Variants in RAI14 observed in about 807,000 individuals in gnomAD.
RAI14 encodes retinoic acid induced 14.
Under a neutral mutation model 115.4 loss-of-function variants are expected in RAI14, and 45 were observed. That is an observed-to-expected ratio of 0.39 (90% CI 0.31 to 0.50). The LOEUF (loss-of-function observed/expected upper bound fraction) is 0.50. Among genes scored for constraint, RAI14 ranks in the 20% least tolerant of loss-of-function variants. The probability of loss-of-function intolerance (pLI) is 0.85; values close to 1 mark genes in which losing one functional copy is unlikely to be tolerated. For synonymous variants in RAI14, 371 were observed against 415.4 expected (o/e 0.89, Z 1.30); for missense variants, 939 against 1,131.2 (o/e 0.83, Z 2.44).
intron 8 of RAI14, 117 bp from the exon 9 acceptor site, chr5:34,811,650 G>T: frequency 2.4e-6 from 2 of 848,024 alleles, no homozygotes; most frequent in Non-Finnish European, 1.8e-6. Context: ...AAGATTAAGT[G>T]TAATAAAGGT....
Position 34,829,737 on chromosome 5 carries a change from C to G in RAI14, c.2805C>G (p.Cys935Trp). Residue 935 changes from cysteine (C) to tryptophan (W), a missense_variant, in exon 17 of 18, where the codon TGC becomes TGG. Transcript: ENST00000265109. ...GTGAAATATTCCCTTTCTAGGAATG[C>G]AAGAAACAACACCAGGAGGTCATAT... ...VKQLQNQLAE[C>W]KKQHQEVISV... The G allele has an allele frequency of 6.2e-7, 1 of 1,609,738 alleles. No individual in the cohort carries two copies. Among genetic ancestry groups the G allele is most frequent in the Non-Finnish European group, 8.5e-7 (1 of 1,177,102 alleles).
At position 34,823,943 on chromosome 5, in the gene RAI14, G is replaced by A. The variant is rs769885697; in HGVS notation, c.2101G>A (p.Glu701Lys). ...SRAKAEDALSEMKSQYSKVLN... is the reference protein window; with the variant it reads ...SRAKAEDALSKMKSQYSKVLN... ...GGCTAAAGCAGAAGATGCACTGTCT[G>A]AAATGAAGTCTCAGTATTCAAAAGT... The change falls in exon 15 of 18, where the codon GAA (glutamate) becomes AAA (lysine). Residue 701 changes from glutamate (E) to lysine (K), a missense_variant. By Grantham distance (56) the Glu-to-Lys change is moderately conservative (BLOSUM62 1). Transcript: ENST00000265109. The surrounding 1 kb of genome is among the most constrained non-coding windows in gnomAD (Gnocchi z 4.5). 1.2e-6 allele frequency: 2 copies of A among 1,614,172 alleles called. No individual in the cohort carries two copies. The highest frequency in any genetic ancestry group is 2.2e-5 in the East Asian group (1 of 44,884).
At chr5:34,679,756 G>C (rs1339035253) in intron 1 of RAI14, among the ~76,000 whole-genome samples, 2 of 152,196 alleles carry the variant, frequency 1.3e-5, no homozygotes, top group Admixed American at 1.3e-4. Flanking sequence ...ATCCTGGTAA[G>C]ATTTCACAGG....
chr5:34,758,617 G>A (rs73076500), intron 3 of RAI14, among the ~76,000 whole-genome samples: 11,449 of 152,146 alleles, frequency 0.075, 565 homozygotes, highest in Middle Eastern at 0.18. Context: ...CTATGTTACC[G>A]AGGCTAGACT....
At chr5:34,812,990 T>C (rs971964479) in intron 10 of RAI14, among the ~76,000 whole-genome samples, 5 of 152,248 alleles carry the variant, frequency 3.3e-5, no homozygotes, top group Admixed American at 6.5e-5. Context: ...TTTGCCCTGT[T>C]ATTGTGTAGT....
At chr5:34,806,874 C>G (rs1754968961) in intron 5 of RAI14, among the ~76,000 whole-genome samples, 1 of 152,216 alleles carries the variant, frequency 6.6e-6, no homozygotes, top group South Asian at 2.1e-4. Context: ...AATACAGGCC[C>G]TAGCCCAGCC....
intron 2 of RAI14, among the ~76,000 whole-genome samples, chr5:34,734,979 C>T (rs1744682461): frequency 6.6e-6 from 1 of 152,094 alleles, no homozygotes; most frequent in South Asian, 2.1e-4. Context: ...TCCTTGAAGT[C>T]ACACTATACT....
intron 2 of RAI14, among the ~76,000 whole-genome samples, chr5:34,745,543 TA>T (rs1746051140): frequency 6.6e-6 from 1 of 152,172 alleles, no homozygotes; most frequent in African/African-American, 2.4e-5. Flanking sequence ...CCCAATCCCA[TA>T]GTCATTGCAG....
At chr5:34,767,591 G>GCCCCCACCACCCCCACCA (rs574133836) in intron 3 of RAI14, among the ~76,000 whole-genome samples, 4 of 116,750 alleles carry the variant, frequency 3.4e-5, no homozygotes, top group Admixed American at 8.9e-5. Flanking sequence ...CACCGCCACC[G>GCCCCCACCACCCCCACCA]CCCCCACCAC....
At chr5:34,773,516 C>G (rs1174921368) in intron 3 of RAI14, among the ~76,000 whole-genome samples, 1 of 152,092 alleles carries the variant, frequency 6.6e-6, no homozygotes, top group African/African-American at 2.4e-5. Context: ...CATCAAGGAA[C>G]TAATATCCGG....
chr5:34,826,625 C>T (rs73764055), intron 16 of RAI14, 146 bp downstream of exon 16: 59,315 of 1,103,806 alleles, frequency 0.054, 2,479 homozygotes, highest in African/African-American at 0.2. Context: ...CTGATTTCTT[C>T]AGTGAGGGCA....
chr5:34,709,897 G>A (rs1011949205), intron 2 of RAI14, among the ~76,000 whole-genome samples: 2 of 152,240 alleles, frequency 1.3e-5, no homozygotes, highest in African/African-American at 2.4e-5. Context: ...CAGAGATAAT[G>A]TGTGGAAAAA....
chr5:34,733,832 C>T (rs1043213360), intron 2 of RAI14, among the ~76,000 whole-genome samples: 4 of 152,196 alleles, frequency 2.6e-5, no homozygotes, highest in African/African-American at 7.2e-5. Flanking sequence ...ATCTCAGCTC[C>T]GTGACTCGGG....
At chr5:34,732,443 T>C (rs541491840) in intron 2 of RAI14, among the ~76,000 whole-genome samples, 2 of 58,676 alleles carry the variant, frequency 3.4e-5, no homozygotes, top group Admixed American at 1.5e-4. Context: ...TGCTTGATTT[T>C]TTTTTTTTTT....
chr5:34,689,637 C>T lies in RAI14; in HGVS notation c.36+2682C>T, dbSNP rs914549012. 1.7e-4 allele frequency among the ~76,000 whole-genome samples: 26 copies of T among 152,302 alleles called. No homozygotes were observed. The East Asian group carries it at 4.8e-3, about 28-fold the overall frequency. On this transcript the variant is annotated intron_variant, in intron 2 of 17. Coordinates refer to ENST00000265109, the MANE Select transcript of RAI14 (RefSeq NM_015577.3). ...CCTGTAATCCCAGCTACTTGGGAGG[C>T]TGAGGCAGAAGGATCACCTGAGGTT...
chr5:34,781,328 A>C (rs1041448784), intron 3 of RAI14, among the ~76,000 whole-genome samples: 3 of 152,148 alleles, frequency 2.0e-5, no homozygotes. Context: ...ATATGTAACA[A>C]ACCTTGTGCA....
intron 2 of RAI14, among the ~76,000 whole-genome samples, chr5:34,748,511 A>G (rs1746581890): frequency 6.6e-6 from 1 of 152,152 alleles, no homozygotes; most frequent in Non-Finnish European, 1.5e-5. Context: ...TACTTCTTGC[A>G]AGGACTGGTT....
At chr5:34,699,504 G>T (rs1739769093) in intron 2 of RAI14, among the ~76,000 whole-genome samples, 1 of 152,166 alleles carries the variant, frequency 6.6e-6, no homozygotes, top group Non-Finnish European at 1.5e-5. Context: ...TTCCCTGTTT[G>T]CATGTTTGTT....
intron 3 of RAI14, among the ~76,000 whole-genome samples, chr5:34,792,940 A>G (rs2150198547): frequency 6.6e-6 from 1 of 152,314 alleles, no homozygotes; most frequent in African/African-American, 2.4e-5. Flanking sequence ...AATAGTTGGA[A>G]AGTCCCCAGA....
Sources: allele counts gnomAD v4.1 joint callset (sites outside exome capture counted in the v4.1 genomes callset), GRCh38; gene constraint gnomAD v4.1.1; non-coding constraint Gnocchi (gnomAD v3.1); transcripts MANE v1.5; gene names NCBI Gene and HGNC (gene_info 2026-07-23, HGNC 2026-07-21).